The following NKX2-8 variants were observed in gnomAD, a reference collection of about 807,000 sequenced individuals.
NKX2-8 encodes NK2 homeobox 8, also known as homeobox protein Nkx-2.8.
NKX2-8 carries 8 observed loss-of-function variants against 6.4 expected under a neutral mutation model. The observed-to-expected ratio is 1.24, with a 90% CI of 0.73 to 2.24. The LOEUF is 2.24. Ranked by LOEUF, NKX2-8 falls within the 30% of genes most tolerant of loss-of-function variation. The probability of loss-of-function intolerance (pLI) is 0.00; values close to 1 mark genes in which losing one functional copy is unlikely to be tolerated. For missense variants in NKX2-8, 406 were observed against 351.1 expected (o/e 1.16, Z -1.25); for synonymous variants, 216 against 171.5 (o/e 1.26, Z -2.03).
At position 36,580,362 on chromosome 14, in the gene NKX2-8, C is replaced by A. The variant is rs1258840827; in HGVS notation, c.*540G>T. 6.6e-6 allele frequency among the ~76,000 whole-genome samples: 1 copy of A among 152,094 alleles called. No individual in the cohort carries two copies. Among genetic ancestry groups the A allele is most frequent in the African/African-American group, 2.4e-5 (1 of 41,410 alleles). The stretch of plus-strand genomic sequence containing the variant: ...GCTTCCTCCTCTCCTTTTCTTCCCG[C>A]GCCCAACCCTGACATCACCACCCCT... On this transcript the variant is annotated 3_prime_UTR_variant, in exon 2 of 2. Coordinates refer to ENST00000258829, the MANE Select transcript of NKX2-8 (RefSeq NM_014360.4).
chr14:36,582,222 CA>C lies in NKX2-8; in HGVS notation c.157+10del, dbSNP rs1178358075. The C allele has an allele frequency of 3.7e-6, 6 of 1,600,598 alleles. No homozygotes were observed. Among genetic ancestry groups the C allele is most frequent in the Middle Eastern group, 1.7e-4 (1 of 5,934 alleles). ...CCTCCCACCCCGCACCGCAATCCAC[CA>C]CGCACTTACAAGGGTAGTGGCCGCG... On this transcript the variant is annotated intron_variant, in intron 1 of 1. Coordinates refer to ENST00000258829, the MANE Select transcript of NKX2-8 (RefSeq NM_014360.4).
chr14:36,581,156 A>C lies in NKX2-8; in HGVS notation c.466T>G (p.Ser156Ala). 1 of 1,577,332 alleles carries C rather than the reference A, an allele frequency of 6.3e-7. No homozygotes were observed. The highest frequency in any genetic ancestry group is 8.6e-7 in the Non-Finnish European group (1 of 1,167,884). ...CCGGGCGCGGCGTGCAGCTCGGCGG[A>C]TGCTGCCAGGTCAGGCGACTCCGCC... ...GAAESPDLAA[S>A]AELHAAPGLL... Residue 156 changes from serine (S) to alanine (A), a missense_variant, in exon 2 of 2, where the codon TCC becomes GCC. Coordinates refer to ENST00000258829, the MANE Select transcript of NKX2-8 (RefSeq NM_014360.4). This position sits in a 1 kb window ranked among gnomAD's most constrained non-coding sequence, Gnocchi z 5.6.
In NKX2-8 at chr14:36,580,094, C is replaced by G. The variant is rs1182217393; in HGVS notation, c.*808G>C. ...CCCCAGGCACTTTTCAAAGGGTCCCCGAGCACTTGGCTCCTGCACTCTGGA... is the reference window on the plus strand; with the variant it reads ...CCCCAGGCACTTTTCAAAGGGTCCCGGAGCACTTGGCTCCTGCACTCTGGA... On this transcript the variant is annotated 3_prime_UTR_variant, in exon 2 of 2. Transcript: ENST00000258829. Among the ~76,000 whole-genome samples, 1 of 152,178 alleles carries G rather than the reference C, an allele frequency of 6.6e-6. No homozygotes were observed. Among genetic ancestry groups the G allele is most frequent in the African/African-American group, 2.4e-5 (1 of 41,450 alleles).
Position 36,581,564 on chromosome 14 carries a change from G to GCCCACTAGC in NKX2-8, c.158-109_158-101dup, listed in dbSNP as rs1594435032. ...CGTGGAGGCACTGGCCAGAGGGCAC[G>GCCCACTAGC]CCCACTAGCCCGAGACTTTCGGGAT... On this transcript the variant is annotated intron_variant, in intron 1 of 1. Transcript: ENST00000258829. This position sits in a 1 kb window ranked among gnomAD's most constrained non-coding sequence, Gnocchi z 5.6. The GCCCACTAGC allele has an allele frequency of 9.6e-7, 1 of 1,038,094 alleles. No individual in the cohort carries two copies. Among genetic ancestry groups the GCCCACTAGC allele is most frequent in the East Asian group, 2.7e-5 (1 of 36,908 alleles). 64.3% of individuals were successfully genotyped at this position (1,038,094 alleles called of 1,614,324 possible). A position where few individuals can be genotyped will look rare whatever the true frequency, so the allele number is the denominator to read the frequency against.
In NKX2-8 at chr14:36,582,511, C is replaced by CTCTGTTTATATAAAGCGGATATACAGCGG; in HGVS notation, c.-123_-122insCCGCTGTATATCCGCTTTATATAAACAGA. 1.0e-6 allele frequency: 1 copy of CTCTGTTTATATAAAGCGGATATACAGCGG among 982,080 alleles called. No individual in the cohort carries two copies. Among genetic ancestry groups the CTCTGTTTATATAAAGCGGATATACAGCGG allele is most frequent in the Non-Finnish European group, 1.5e-6 (1 of 689,474 alleles). The allele number at this position is 982,080 out of a possible 1,614,324, so 60.8% of individuals were successfully genotyped here. The stretch of plus-strand genomic sequence containing the variant: ...TGCGCTGGCAGCCGGGATATTAGCG[C>CTCTGTTTATATAAAGCGGATATACAGCGG]ATTTACAGCGGAATCTCTGTTTATA... On this transcript the variant is annotated 5_prime_UTR_variant, in exon 1 of 2. An upstream start codon of the reference 5' UTR is lost. Coordinates refer to ENST00000258829, the MANE Select transcript of NKX2-8 (RefSeq NM_014360.4).
At position 36,580,992 on chromosome 14, in the gene NKX2-8, G is replaced by C. The variant is rs1443945306; in HGVS notation, c.630C>G (p.Gly210=). 4.4e-6 allele frequency: 6 copies of C among 1,352,714 alleles called. No homozygotes were observed. Among genetic ancestry groups the C allele is most frequent in the Non-Finnish European group, 5.7e-6 (6 of 1,061,320 alleles). The allele number at this position is 1,352,714 out of a possible 1,614,324, so 83.8% of individuals were successfully genotyped here. The change falls in exon 2 of 2, where the codon GGC becomes GGG. Residue 210 remains glycine (G), a synonymous_variant. Coordinates refer to ENST00000258829, the MANE Select transcript of NKX2-8 (RefSeq NM_014360.4). ...CCGAGCCGGGACCGAAGGCAGGGTA[G>C]CCCGGCAGAGGGCAGGCGGCGGCTG... is the stretch of plus-strand genomic sequence containing the variant. ...APPAAACPLP[G]YPAFGPGSAL...
At position 36,580,948 on chromosome 14, in the gene NKX2-8, G is replaced by C; in HGVS notation, c.674C>G (p.Ala225Gly). 1 of 1,343,940 alleles carries C rather than the reference G, an allele frequency of 7.4e-7. No homozygotes were observed. Among genetic ancestry groups the C allele is most frequent in the South Asian group, 2.3e-5 (1 of 43,392 alleles). The allele number at this position is 1,343,940 out of a possible 1,614,324, so 83.3% of individuals were successfully genotyped here. A position where few individuals can be genotyped will look rare whatever the true frequency, so the allele number is the denominator to read the frequency against. ...GGCGGGGGATGCTAAGTGCTGGTAG[G>C]CGGGGAAGAGGCCAAGCGCCGAGCC... ...GPGSALGLFP[A>G]YQHLASPALV... The change falls in exon 2 of 2, where the codon GCC becomes GGC. Residue 225 changes from alanine (A) to glycine (G), a missense_variant. Transcript: ENST00000258829.
chr14:36,581,541 T>C lies in NKX2-8; in HGVS notation c.158-77A>G. 7.5e-7 allele frequency: 1 copy of C among 1,328,242 alleles called. No homozygotes were observed. The allele number at this position is 1,328,242 out of a possible 1,614,324, so 82.3% of individuals were successfully genotyped here. On this transcript the variant is annotated intron_variant, in intron 1 of 1. Transcript: ENST00000258829. The surrounding 1 kb of genome is among the most constrained non-coding windows in gnomAD (Gnocchi z 5.6). ...GCCTGCTGCCCTTCTGGCGCGGGCG[T>C]GGAGGCACTGGCCAGAGGGCACGCC...
chr14:36,581,063 C>T lies in NKX2-8; in HGVS notation c.559G>A (p.Gly187Ser). Reference sequence around the variant, plus strand: ...TGGGCCGCGGCGGTTCCCACCTCGCCACCGCCGCCGCCGCCGCACGGCTGC... The same window carrying T: ...TGGGCCGCGGCGGTTCCCACCTCGCTACCGCCGCCGCCGCCGCACGGCTGC... ...DGQPCGGGGG[G>S]EVGTAAAQEK... The change falls in exon 2 of 2, where the codon GGC becomes AGC. Residue 187 changes from glycine (G) to serine (S), a missense_variant. Gly to Ser is a moderately conservative substitution (Grantham distance 56). Coordinates refer to ENST00000258829, the MANE Select transcript of NKX2-8 (RefSeq NM_014360.4). This position sits in a 1 kb window ranked among gnomAD's most constrained non-coding sequence, Gnocchi z 5.6. 2 of 1,381,180 alleles carry T rather than the reference C, an allele frequency of 1.4e-6. No homozygotes were observed. Among genetic ancestry groups the T allele is most frequent in the Non-Finnish European group, 9.3e-7 (1 of 1,079,366 alleles). The allele number at this position is 1,381,180 out of a possible 1,614,324, so 85.6% of individuals were successfully genotyped here.
rs760239397 is a variant in NKX2-8 at position 36,582,294 on chromosome 14, T to G, written c.96A>C (p.Pro32=). 2 of 1,607,576 alleles carry G rather than the reference T, an allele frequency of 1.2e-6. No homozygotes were observed. The highest frequency in any genetic ancestry group is 2.7e-5 in the African/African-American group (2 of 74,688). The change falls in exon 1 of 2, where the codon CCA becomes CCC. Residue 32 remains proline, a synonymous_variant. Coordinates refer to ENST00000258829, the MANE Select transcript of NKX2-8 (RefSeq NM_014360.4). The part of the protein sequence containing the change: ...AQHLPRREPE[P]RAPQPDPCAA... ...CGCAGGGGTCGGGCTGGGGGGCGCG[T>G]GGTTCTGGCTCCCGCCTCGGCAGGT...
Position 36,580,968 on chromosome 14 carries a change from C to CGAGCCGGGACCGAAGGCAGGG in NKX2-8, c.633_653dup (p.Pro212_Ser218dup). On this transcript the variant is annotated inframe_insertion, in exon 2 of 2. Coordinates refer to ENST00000258829, the MANE Select transcript of NKX2-8 (RefSeq NM_014360.4). ...GGTAGGCGGGGAAGAGGCCAAGCGC[C>CGAGCCGGGACCGAAGGCAGGG]GAGCCGGGACCGAAGGCAGGGTAGC... 4.4e-6 allele frequency: 6 copies of CGAGCCGGGACCGAAGGCAGGG among 1,349,800 alleles called. No individual in the cohort carries two copies. The highest frequency in any genetic ancestry group is 5.7e-6 in the Non-Finnish European group (6 of 1,060,006). The allele number at this position is 1,349,800 out of a possible 1,614,324, so 83.6% of individuals were successfully genotyped here.
rs552023200 is a variant in NKX2-8, at chr14:36,580,825, G to GCGTT, written c.*73_*76dup. On this transcript the variant is annotated 3_prime_UTR_variant, in exon 2 of 2. Transcript: ENST00000258829. ...GGGAGGCGGACGGAGAGCGTTCCAG[G>GCGTT]CGTTCGGCTCCGGCCCTGCTCCAAT... 1.4e-4 allele frequency: 153 copies of GCGTT among 1,065,922 alleles called. No homozygotes were observed. The African/African-American group carries it at 2.3e-3, about 16-fold the overall frequency. The allele number at this position is 1,065,922 out of a possible 1,614,324, so 66.0% of individuals were successfully genotyped here.
At position 36,581,364 on chromosome 14, in the gene NKX2-8, C is replaced by T. The variant is rs773135164; in HGVS notation, c.258G>A (p.Lys86=). The part of the protein sequence containing the change: ...SPGSDAEKRK[K]RRVLFSKAQT... ...GCGCCTTGGAGAATAGCACCCGCCG[C>T]TTCTTCCTTTTCTCGGCGTCCGAGC... is the stretch of plus-strand genomic sequence containing the variant. The change falls in exon 2 of 2, where the codon AAG becomes AAA. Residue 86 remains lysine (K), a synonymous_variant. Coordinates refer to ENST00000258829, the MANE Select transcript of NKX2-8 (RefSeq NM_014360.4). This position sits in a 1 kb window ranked among gnomAD's most constrained non-coding sequence, Gnocchi z 5.6. The T allele has an allele frequency of 4.4e-6, 7 of 1,588,454 alleles. No individual in the cohort carries two copies. In the South Asian group the frequency reaches 8.0e-5, roughly 18 times the overall value.
In NKX2-8 at chr14:36,581,378, C is replaced by G; in HGVS notation, c.244G>C (p.Glu82Gln). The change falls in exon 2 of 2, where the codon GAG becomes CAG. Residue 82 changes from glutamate (E) to glutamine (Q), a missense_variant. Transcript: ENST00000258829. The surrounding 1 kb of genome is among the most constrained non-coding windows in gnomAD (Gnocchi z 5.6). Reference protein sequence around the residue: ...ARPASPGSDAEKRKKRRVLFS... With the variant: ...ARPASPGSDAQKRKKRRVLFS... ...AGCACCCGCCGCTTCTTCCTTTTCT[C>G]GGCGTCCGAGCCCGGAGACGCGGGC... 1 of 1,592,124 alleles carries G rather than the reference C, an allele frequency of 6.3e-7. No homozygotes were observed. The highest frequency in any genetic ancestry group is 8.5e-7 in the Non-Finnish European group (1 of 1,169,682).
chr14:36,580,734 G>T lies in NKX2-8; in HGVS notation c.*168C>A. 2.4e-6 allele frequency: 1 copy of T among 417,840 alleles called. No individual in the cohort carries two copies. Among genetic ancestry groups the T allele is most frequent in the Non-Finnish European group, 4.1e-6 (1 of 244,230 alleles). 25.9% of individuals were successfully genotyped at this position (417,840 alleles called of 1,614,324 possible). On this transcript the variant is annotated 3_prime_UTR_variant, in exon 2 of 2. Coordinates refer to ENST00000258829, the MANE Select transcript of NKX2-8 (RefSeq NM_014360.4). ...GGGGGCTCTGGCACACGTCCCTCGT[G>T]TGTGCTTGCGCGACGGCTGATGAGG...
chr14:36,580,846 C>T lies in NKX2-8; in HGVS notation c.*56G>A. 8.2e-7 allele frequency: 1 copy of T among 1,215,342 alleles called. No homozygotes were observed. Among genetic ancestry groups the T allele is most frequent in the Non-Finnish European group, 1.0e-6 (1 of 962,550 alleles). 75.3% of individuals were successfully genotyped at this position (1,215,342 alleles called of 1,614,324 possible). A position where few individuals can be genotyped will look rare whatever the true frequency, so the allele number is the denominator to read the frequency against. On this transcript the variant is annotated 3_prime_UTR_variant, in exon 2 of 2. Transcript: ENST00000258829. ...CCAGGCGTTCGGCTCCGGCCCTGCT[C>T]CAATCGCAGAGCGCGCTCCAAAGTC...
chr14:36,582,360 G>A lies in NKX2-8; in HGVS notation c.30C>T (p.Thr10=), dbSNP rs765006179. 1.9e-6 allele frequency: 3 copies of A among 1,580,522 alleles called. No homozygotes were observed. Among genetic ancestry groups the A allele is most frequent in the African/African-American group, 2.7e-5 (2 of 73,918 alleles). The part of the protein sequence containing the change: MATSGRLSF[T]VRSLLDLPEQ... ...CGGGTAAATCTAGAAGGCTGCGCAC[G>A]GTGAAGCTCAGGCGTCCAGAGGTGG... The change falls in exon 1 of 2, where the codon ACC becomes ACT. Residue 10 remains threonine, a synonymous_variant. Transcript: ENST00000258829.
chr14:36,582,225 G>C lies in NKX2-8; in HGVS notation c.157+8C>G. On this transcript the variant is annotated splice_region_variant and intron_variant, in intron 1 of 1. Coordinates refer to ENST00000258829, the MANE Select transcript of NKX2-8 (RefSeq NM_014360.4). ...CCCACCCCGCACCGCAATCCACCAC[G>C]CACTTACAAGGGTAGTGGCCGCGCT... is the stretch of plus-strand genomic sequence containing the variant. 2.5e-6 allele frequency: 4 copies of C among 1,603,840 alleles called. No individual in the cohort carries two copies. Among genetic ancestry groups the C allele is most frequent in the Non-Finnish European group, 3.4e-6 (4 of 1,174,400 alleles).
In NKX2-8 at chr14:36,580,401, A is replaced by G. The variant is rs74949744; in HGVS notation, c.*501T>C. On this transcript the variant is annotated 3_prime_UTR_variant, in exon 2 of 2. Coordinates refer to ENST00000258829, the MANE Select transcript of NKX2-8 (RefSeq NM_014360.4). ...ATCACCACCCCTCCATCCCCCAGGT[A>G]TCTTCCTAAAGCCGTGTCGGGACTG... Among the ~76,000 whole-genome samples, 3,726 of 151,842 alleles carry G rather than the reference A, an allele frequency of 0.025. 171 individuals are homozygous for G. Among genetic ancestry groups the G allele is most frequent in the African/African-American group, 0.085 (3,529 of 41,408 alleles).
Sources: allele counts gnomAD v4.1 joint callset (sites outside exome capture counted in the v4.1 genomes callset), GRCh38; gene constraint gnomAD v4.1.1; non-coding constraint Gnocchi (gnomAD v3.1); transcripts MANE v1.5; gene names NCBI Gene and HGNC (gene_info 2026-07-23, HGNC 2026-07-21).